The following MPP7 variants were observed in gnomAD, a reference collection of about 807,000 sequenced individuals.
MPP7 encodes the protein MAGUK p55 scaffold protein 7, also known as MAGUK p55 subfamily member 7.
In MPP7, 60 loss-of-function variants were observed where a neutral mutation model predicts 76.5. That is an observed-to-expected ratio of 0.78 (90% CI 0.64 to 0.97). The LOEUF (loss-of-function observed/expected upper bound fraction) is 0.97. Ranked by LOEUF, MPP7 falls within the 50% of genes least tolerant of loss-of-function variation. MPP7 has a pLI of 0.00. For missense variants in MPP7, 641 were observed against 694.0 expected (o/e 0.92, Z 0.86); for synonymous variants, 237 against 244.5 (o/e 0.97, Z 0.29).
At chr10:28,283,806 C>T (rs989441931) in intron 1 of MPP7, among the ~76,000 whole-genome samples, 1 of 152,296 alleles carries the variant, frequency 6.6e-6, no homozygotes, top group East Asian at 1.9e-4. Flanking sequence ...TGAGCCGTCA[C>T]GCCCAGCCCC....
chr10:28,072,662 T>G (rs1852293302), intron 12 of MPP7, among the ~76,000 whole-genome samples: 1 of 152,186 alleles, frequency 6.6e-6, no homozygotes, highest in African/African-American at 2.4e-5. Flanking sequence ...AAATGCAGCC[T>G]CTGACTTCCT....
intron 11 of MPP7, chr10:28,119,177 G>A (rs980721956): frequency 7.1e-5 from 35 of 491,550 alleles, no homozygotes; most frequent in Non-Finnish European, 9.0e-5. Context: ...AACTCCAAAG[G>A]GATAGGCTAA....
intron 1 of MPP7, among the ~76,000 whole-genome samples, chr10:28,296,091 A>G (rs1267044792): frequency 6.6e-6 from 1 of 152,216 alleles, no homozygotes; most frequent in East Asian, 1.9e-4. Context: ...TACTTAGTCC[A>G]AGCTTGGACC....
chr10:28,168,683 TA>T (rs1468026865), intron 3 of MPP7, among the ~76,000 whole-genome samples: 1 of 152,042 alleles, frequency 6.6e-6, no homozygotes, highest in Non-Finnish European at 1.5e-5. Context: ...CATGCTCCGT[TA>T]ATTTTTTGTA....
At chr10:28,302,729 G>T (rs1264186090) in intron 1 of MPP7, among the ~76,000 whole-genome samples, 132 bp downstream of exon 1, 2 of 151,312 alleles carry the variant, frequency 1.3e-5, no homozygotes, top group Admixed American at 6.6e-5. Context: ...CCTAGAGGCC[G>T]GCAGGAGGCT....
chr10:28,242,791 T>C (rs751506062), intron 1 of MPP7, among the ~76,000 whole-genome samples: 40 of 152,160 alleles, frequency 2.6e-4, no homozygotes, highest in Admixed American at 1.4e-3. Context: ...TATTCAACAT[T>C]GTGTTCTTCA....
At chr10:28,098,716 T>C (rs1241182232) in intron 11 of MPP7, among the ~76,000 whole-genome samples, 4 of 152,092 alleles carry the variant, frequency 2.6e-5, no homozygotes, top group Non-Finnish European at 4.4e-5. Flanking sequence ...TCTAATCATC[T>C]ATATTTTTCA....
chr10:28,261,104 C>T (rs1839936555), intron 1 of MPP7, among the ~76,000 whole-genome samples: 1 of 152,076 alleles, frequency 6.6e-6, no homozygotes, highest in Non-Finnish European at 1.5e-5. Flanking sequence ...AGAAAAATTG[C>T]TCTTTATATA....
intron 3 of MPP7, among the ~76,000 whole-genome samples, chr10:28,181,180 C>T (rs1837045895): frequency 6.6e-6 from 1 of 152,000 alleles, no homozygotes; most frequent in African/African-American, 2.4e-5. Context: ...CATTTTGAAA[C>T]ATTTAAAAAT....
intron 12 of MPP7, among the ~76,000 whole-genome samples, chr10:28,080,233 T>C (rs537489065): frequency 6.6e-6 from 1 of 152,320 alleles, no homozygotes; most frequent in Non-Finnish European, 1.5e-5. Flanking sequence ...ACTCTACGCT[T>C]ATATAGACTG....
In MPP7 at chr10:28,280,854, G is replaced by C. The variant is rs115455983; in HGVS notation, c.-132+22007C>G. ...ATGAGAGACAAATGGGCATGTGCCT[G>C]GCAAAGCAATACAGGGTGCCAATTT... is the stretch of plus-strand genomic sequence containing the variant. On this transcript the variant is annotated intron_variant, in intron 1 of 16. Transcript: ENST00000683449. Among the ~76,000 whole-genome samples, 1,235 of 152,080 alleles carry C rather than the reference G, an allele frequency of 8.1e-3. 28 individuals are homozygous for C. Among genetic ancestry groups the C allele is most frequent in the African/African-American group, 0.028 (1,164 of 41,392 alleles).
chr10:28,140,074 G>A (rs1835464763), intron 5 of MPP7, among the ~76,000 whole-genome samples: 1 of 152,144 alleles, frequency 6.6e-6, no homozygotes, highest in Admixed American at 6.5e-5. Flanking sequence ...CAATCAAGAA[G>A]TTAATATCAA....
At chr10:28,156,411 A>G (rs1339061311) in intron 3 of MPP7, among the ~76,000 whole-genome samples, 2 of 152,248 alleles carry the variant, frequency 1.3e-5, no homozygotes, top group African/African-American at 2.4e-5. Flanking sequence ...TCGTGTATAC[A>G]TATGATACAA....
chr10:28,286,615 G>T (rs1472307173), intron 1 of MPP7, among the ~76,000 whole-genome samples: 2 of 152,038 alleles, frequency 1.3e-5, no homozygotes, highest in Non-Finnish European at 2.9e-5. Flanking sequence ...GGGTCCTCAG[G>T]CACCTTTCAG....
chr10:28,215,116 T>C (rs1838266264), intron 2 of MPP7, among the ~76,000 whole-genome samples: 1 of 152,040 alleles, frequency 6.6e-6, no homozygotes, highest in African/African-American at 2.4e-5. Context: ...CAATCAGCAC[T>C]TCTCACTTCC....
intron 12 of MPP7, among the ~76,000 whole-genome samples, chr10:28,088,748 T>C (rs1034792556): frequency 2.0e-5 from 3 of 152,192 alleles, no homozygotes; most frequent in Admixed American, 2.0e-4. Flanking sequence ...AGAAATGCAT[T>C]GAGGATGAAG....
At chr10:28,330,558 T>C (rs811496) in intron 1 of MPP7, among the ~76,000 whole-genome samples, 40,970 of 152,014 alleles carry the variant, frequency 0.27, 7,199 homozygotes, top group African/African-American at 0.5. Context: ...CTCTCTGGCC[T>C]ATGCAATATG....
intron 14 of MPP7, among the ~76,000 whole-genome samples, chr10:28,059,202 A>G (rs12572951): frequency 0.096 from 14,582 of 152,272 alleles, 773 homozygotes; most frequent in Middle Eastern, 0.13. Flanking sequence ...AGCTAGCTAG[A>G]GAAGACGGTA....
intron 5 of MPP7, among the ~76,000 whole-genome samples, chr10:28,143,256 G>A (rs1835584839): frequency 6.6e-6 from 1 of 152,112 alleles, no homozygotes; most frequent in Non-Finnish European, 1.5e-5. Flanking sequence ...GCAATTCACA[G>A]AAGAAATAAA....
Sources: gnomAD v4.1 joint callset for allele counts (sites outside exome capture counted in the v4.1 genomes callset) on GRCh38, gnomAD v4.1.1 for gene constraint, MANE v1.5 for transcripts, NCBI Gene and HGNC (gene_info 2026-07-23, HGNC 2026-07-21) for gene names.